Variants in PSG5 observed in about 807,000 individuals in gnomAD.
The protein encoded by PSG5 is pregnancy-specific beta-1-glycoprotein 5.
Under a neutral mutation model 37.7 loss-of-function variants are expected in PSG5, and 53 were observed. The ratio of observed to expected loss-of-function variants is 1.41; its 90% CI spans 1.13 to 1.77. The LOEUF (loss-of-function observed/expected upper bound fraction) is 1.77. Ranked by LOEUF, PSG5 falls within the 40% of genes most tolerant of loss-of-function variation. PSG5 has a pLI of 0.00. For synonymous variants in PSG5, 221 were observed against 155.4 expected (o/e 1.42, Z -3.14); for missense variants, 547 against 405.2 (o/e 1.35, Z -3.00).
chr19:43,177,763 C>T (rs866103991), intron 2 of PSG5, among the ~76,000 whole-genome samples: 5 of 151,472 alleles, frequency 3.3e-5, no homozygotes, highest in Admixed American at 6.6e-5. Context: ...AAAAATGTTA[C>T]TGGGATTCTG....
In PSG5 at chr19:43,184,986, A is replaced by G. The variant is rs1344831593; in HGVS notation, c.226T>C (p.Tyr76His). The change falls in exon 2 of 6, where the codon TAC (tyrosine) becomes CAC (histidine). Residue 76 changes from tyrosine to histidine, a missense_variant. By Grantham distance (83) the Tyr-to-His change is moderately conservative. Coordinates refer to ENST00000342951, the MANE Select transcript of PSG5 (RefSeq NM_002781.4). ...IWYKGQLMDL[Y>H]HYITSYVVDG... is the part of the protein sequence containing the mutation. ...ACTACATATGATGTAATGTAATGGTAGAGGTCCATCAGTTGTCCTTTGTAC... is the reference window on the plus strand; with the variant it reads ...ACTACATATGATGTAATGTAATGGTGGAGGTCCATCAGTTGTCCTTTGTAC... The G allele has an allele frequency of 1.4e-5, 22 of 1,612,514 alleles. 2 individuals carry two copies. The highest frequency in any genetic ancestry group is 1.9e-5 in the Non-Finnish European group (22 of 1,179,158).
At chr19:43,174,411 C>T (rs1264075731) in intron 4 of PSG5, 4 of 841,774 alleles carry the variant, frequency 4.8e-6, no homozygotes, top group Admixed American at 6.3e-5. Flanking sequence ...TGGCACTGCC[C>T]CTTTCCTGCC....
chr19:43,180,286 G>C (rs188119333), intron 2 of PSG5: 3 of 151,512 alleles, frequency 2.0e-5, no homozygotes, highest in Admixed American at 6.6e-5. Context: ...GTGCAGCCTC[G>C]TGCCTATACT....
At chr19:43,185,434 C>A (rs925678757) in intron 1 of PSG5, among the ~76,000 whole-genome samples, 6 of 147,152 alleles carry the variant, frequency 4.1e-5, no homozygotes, top group Admixed American at 6.7e-5. Context: ...ACGGCACCCC[C>A]CCCCCCCCAC....
chr19:43,178,562 G>A (rs1420153659), intron 2 of PSG5, among the ~76,000 whole-genome samples: 1 of 151,612 alleles, frequency 6.6e-6, no homozygotes, highest in Non-Finnish European at 1.5e-5. Context: ...CAGTGACCCT[G>A]TGAGCCAAGT....
intron 2 of PSG5, among the ~76,000 whole-genome samples, chr19:43,181,352 C>G (rs1467863498): frequency 1.3e-5 from 2 of 151,722 alleles, no homozygotes; most frequent in Non-Finnish European, 2.9e-5. Context: ...ATTGAACTTT[C>G]CTTTTTCAGT....
chr19:43,176,768 C>T (rs1969020798), intron 2 of PSG5, among the ~76,000 whole-genome samples: 1 of 150,636 alleles, frequency 6.6e-6, no homozygotes, highest in Admixed American at 6.7e-5. Flanking sequence ...TTCATGATGA[C>T]TTACTTGAAC....
At chr19:43,185,722 C>G (rs1017522705) in intron 1 of PSG5, among the ~76,000 whole-genome samples, 1 of 151,700 alleles carries the variant, frequency 6.6e-6, no homozygotes, top group African/African-American at 2.4e-5. Context: ...TCTCAGGGCC[C>G]TCCACACCCT....
rs776569409 is a variant in PSG5, at chr19:43,183,329, G to A, written c.430+1453C>T. Reference sequence around the variant, plus strand: ...CCTCTGAAGGACAAGGGACAGGTGTGGCTAGAACCTCCTAGGATTCTGCAT... The same window carrying A: ...CCTCTGAAGGACAAGGGACAGGTGTAGCTAGAACCTCCTAGGATTCTGCAT... On this transcript the variant is annotated intron_variant, in intron 2 of 5. Coordinates refer to ENST00000342951, the MANE Select transcript of PSG5 (RefSeq NM_002781.4). 1,142 of 482,468 alleles carry A rather than the reference G, an allele frequency of 2.4e-3. 12 individuals are homozygous for A. The highest frequency in any genetic ancestry group is 2.0e-3 in the Non-Finnish European group (479 of 241,490). The allele number at this position is 482,468 out of a possible 1,614,324, so 29.9% of individuals were successfully genotyped here.
chr19:43,169,863 TA>T, intron 5 of PSG5, 191 bp downstream of exon 5: 1 of 388,522 alleles, frequency 2.6e-6, no homozygotes. Context: ...TAATTATGTC[TA>T]AAAGACAGTG....
chr19:43,183,551 T>C (rs1313952221), intron 2 of PSG5: 2 of 501,174 alleles, frequency 4.0e-6, no homozygotes, highest in Non-Finnish European at 8.1e-6. Flanking sequence ...ACACAGGATT[T>C]CAGGTTCAGT....
At chr19:43,185,556 G>T (rs1966918195) in intron 1 of PSG5, among the ~76,000 whole-genome samples, 1 of 150,900 alleles carries the variant, frequency 6.6e-6, no homozygotes, top group South Asian at 2.1e-4. Flanking sequence ...GCTCCCTCCA[G>T]GGTTCTTGTC....
chr19:43,171,790 A>C (rs2122203628), intron 4 of PSG5, among the ~76,000 whole-genome samples: 1 of 151,452 alleles, frequency 6.6e-6, no homozygotes, highest in East Asian at 1.9e-4. Flanking sequence ...TAACCTGGGG[A>C]GATGCTGTCT....
intron 1 of PSG5, among the ~76,000 whole-genome samples, chr19:43,185,497 A>G (rs2122248052): frequency 6.9e-6 from 1 of 144,316 alleles, no homozygotes. Flanking sequence ...CTTTCCTGAC[A>G]CGTCCTTCAG....
chr19:43,179,952 C>T lies in PSG5; in HGVS notation c.431-3804G>A, dbSNP rs115621240. 4.0e-3 allele frequency among the ~76,000 whole-genome samples: 608 copies of T among 151,870 alleles called. 13 individuals carry two copies. Among genetic ancestry groups the T allele is most frequent in the African/African-American group, 0.014 (587 of 41,328 alleles). ...GGACCATGTGGATCTTCTAGAAATACATGTGGATGTTTGCAAATGCAGCAC... is the reference window on the plus strand; with the variant it reads ...GGACCATGTGGATCTTCTAGAAATATATGTGGATGTTTGCAAATGCAGCAC... On this transcript the variant is annotated intron_variant, in intron 2 of 5. Coordinates refer to ENST00000342951, the MANE Select transcript of PSG5 (RefSeq NM_002781.4).
At chr19:43,179,234 G>A in intron 2 of PSG5, 6 of 1,444,474 alleles carry the variant, frequency 4.2e-6, no homozygotes, top group East Asian at 2.3e-5. Flanking sequence ...ATCAGAGTTG[G>A]CATTTCCCAC....
At chr19:43,183,949 T>TCA (rs1433830800) in intron 2 of PSG5, among the ~76,000 whole-genome samples, 2 of 151,644 alleles carry the variant, frequency 1.3e-5, no homozygotes, top group East Asian at 1.9e-4. Context: ...GTTAAATGAT[T>TCA]CAGTCACCTG....
At position 43,185,167 on chromosome 19, in the gene PSG5, C is replaced by G. The variant is rs1568377252; in HGVS notation, c.65-20G>C. On this transcript the variant is annotated intron_variant, in intron 1 of 5. Transcript: ENST00000342951. ...GTGATGCTAGGAGGTGGAGAAAGCACCAGTCAATATTGAGACCTGTGTATT... is the reference window on the plus strand; with the variant it reads ...GTGATGCTAGGAGGTGGAGAAAGCAGCAGTCAATATTGAGACCTGTGTATT... 1.3e-6 allele frequency: 2 copies of G among 1,582,962 alleles called. No individual in the cohort carries two copies. The highest frequency in any genetic ancestry group is 1.2e-5 in the South Asian group (1 of 84,656).
chr19:43,172,596 C>A (rs1327772380), intron 4 of PSG5, among the ~76,000 whole-genome samples: 2 of 151,478 alleles, frequency 1.3e-5, no homozygotes, highest in African/African-American at 2.4e-5. Flanking sequence ...CATGAACAAT[C>A]TGAAGGGAAA....
Sources: gnomAD v4.1 joint callset for allele counts (sites outside exome capture counted in the v4.1 genomes callset) on GRCh38, gnomAD v4.1.1 for gene constraint, MANE v1.5 for transcripts, NCBI Gene and HGNC (gene_info 2026-07-23, HGNC 2026-07-21) for gene names.